VTI1A: variants seen among roughly 807,000 people sequenced by gnomAD.
VTI1A encodes the protein vesicle transport through interaction with t-SNAREs 1A, also known as vesicle transport through interaction with t-SNAREs homolog 1A.
A neutral mutation model predicts 34.9 loss-of-function variants in VTI1A; 22 were observed. That is an observed-to-expected ratio of 0.63 (90% confidence interval 0.45 to 0.90). The LOEUF is 0.90. Ranked by LOEUF, VTI1A falls within the 40% of genes least tolerant of loss-of-function variation. The probability of loss-of-function intolerance (pLI) is 0.00; values close to 1 mark genes in which losing one functional copy is unlikely to be tolerated. For synonymous variants in VTI1A, 87 were observed against 97.3 expected (o/e 0.89, Z 0.62); for missense variants, 268 against 275.6 (o/e 0.97, Z 0.20).
chr10:112,798,208 GGTCGA>G (rs1023419697), intron 7 of VTI1A, among the ~76,000 whole-genome samples: 2 of 152,102 alleles, frequency 1.3e-5, no homozygotes, highest in African/African-American at 4.8e-5. Flanking sequence ...GCTGCTCCAG[GGTCGA>G]CTTCAGAGCC....
intron 5 of VTI1A, among the ~76,000 whole-genome samples, chr10:112,660,389 T>C (rs1258684746): frequency 6.6e-6 from 1 of 152,162 alleles, no homozygotes; most frequent in East Asian, 1.9e-4. Flanking sequence ...TGAGCCACCA[T>C]GCCCGGCCCA....
intron 1 of VTI1A, among the ~76,000 whole-genome samples, chr10:112,458,052 CAG>C (rs755040117): frequency 2.6e-5 from 4 of 152,096 alleles, no homozygotes; most frequent in Non-Finnish European, 4.4e-5. Context: ...GGAAGGGAAA[CAG>C]AGTCTGTACC....
At chr10:112,763,272 G>C (rs1044758491) in intron 7 of VTI1A, among the ~76,000 whole-genome samples, 1 of 151,984 alleles carries the variant, frequency 6.6e-6, no homozygotes, top group East Asian at 1.9e-4. Context: ...AACCCTGTCT[G>C]TACTAAAAAT....
chr10:112,461,994 G>C (rs1226300707), intron 2 of VTI1A, among the ~76,000 whole-genome samples: 5 of 152,214 alleles, frequency 3.3e-5, no homozygotes, highest in Non-Finnish European at 4.4e-5. Flanking sequence ...GGGATTACAG[G>C]CATGCACCAC....
the VTI1A span, among the ~76,000 whole-genome samples, chr10:112,838,198 G>C: frequency 6.6e-5 from 10 of 152,162 alleles, no homozygotes; most frequent in African/African-American, 2.4e-4. Context: ...GCTCCCCACT[G>C]CTCTGTGTAT....
Position 112,716,174 on chromosome 10 carries a change from G to A in VTI1A, c.560+47176G>A, listed in dbSNP as rs145624006. 5.2e-3 allele frequency among the ~76,000 whole-genome samples: 798 copies of A among 152,310 alleles called. 6 individuals carry two copies. The highest frequency in any genetic ancestry group is 0.018 in the African/African-American group (768 of 41,570). ...GGGCCATGAAAAAATTTCTGACGAA[G>A]TGTTCTCCTGGGAGTTTCCAGCACA... On this transcript the variant is annotated intron_variant, in intron 7 of 7. Transcript: ENST00000393077.
intron 7 of VTI1A, among the ~76,000 whole-genome samples, chr10:112,706,540 G>A (rs1191909908): frequency 3.9e-5 from 6 of 152,132 alleles, no homozygotes; most frequent in Non-Finnish European, 5.9e-5. Flanking sequence ...CTAGATTAAA[G>A]GGATATAATC....
At chr10:112,781,688 A>G (rs1852131725) in intron 7 of VTI1A, among the ~76,000 whole-genome samples, 1 of 151,868 alleles carries the variant, frequency 6.6e-6, no homozygotes, top group African/African-American at 2.4e-5. Flanking sequence ...TAAAAAAACA[A>G]AAATTAGTGG....
At chr10:112,531,680 G>C (rs182505068) in intron 4 of VTI1A, among the ~76,000 whole-genome samples, 31 of 152,138 alleles carry the variant, frequency 2.0e-4, no homozygotes, top group African/African-American at 7.2e-4. Context: ...TGCCCCAAAT[G>C]GTCTCTATTG....
At chr10:112,698,076 T>A (rs1461370033) in intron 7 of VTI1A, among the ~76,000 whole-genome samples, 1 of 152,206 alleles carries the variant, frequency 6.6e-6, no homozygotes, top group African/African-American at 2.4e-5. Flanking sequence ...TAATGTAACA[T>A]AAGCTAAAAT....
intron 7 of VTI1A, among the ~76,000 whole-genome samples, chr10:112,744,085 A>G (rs1850797546): frequency 6.6e-6 from 1 of 152,176 alleles, no homozygotes; most frequent in Admixed American, 6.5e-5. Flanking sequence ...GAACCATAAG[A>G]AATTGCCAGT....
At chr10:112,851,547 G>A in the VTI1A span, among the ~76,000 whole-genome samples, 1 of 152,206 alleles carries the variant, frequency 6.6e-6, no homozygotes, top group Non-Finnish European at 1.5e-5. Context: ...GAAGTAAGGG[G>A]TGCCCCTTCC....
chr10:112,794,898 A>G (rs1379591782), intron 7 of VTI1A, among the ~76,000 whole-genome samples: 12 of 152,208 alleles, frequency 7.9e-5, no homozygotes. Context: ...GTACCCAAAG[A>G]GCATTCGTGA....
chr10:112,597,723 A>G (rs1268525564), intron 5 of VTI1A, among the ~76,000 whole-genome samples: 5 of 97,878 alleles, frequency 5.1e-5, no homozygotes, highest in South Asian at 3.5e-4. Flanking sequence ...TTTGAGACGG[A>G]GTCTCGCTCT....
intron 3 of VTI1A, among the ~76,000 whole-genome samples, chr10:112,502,792 A>G (rs571948982): frequency 6.6e-6 from 1 of 152,320 alleles, no homozygotes; most frequent in African/African-American, 2.4e-5. Context: ...CTCTAACCCT[A>G]TATAACCCTG....
rs1429126232 is a variant in VTI1A, at chr10:112,468,715, G to A, written c.264+4058G>A. On this transcript the variant is annotated intron_variant, in intron 3 of 7. Coordinates refer to ENST00000393077, the MANE Select transcript of VTI1A (RefSeq NM_145206.4). ...TCCTCTGTGTGTTATCATCTTTCCT[G>A]TTCCTTCCATGGCTGCGTCTATACT... Among the ~76,000 whole-genome samples, 3 of 152,116 alleles carry A rather than the reference G, an allele frequency of 2.0e-5. No homozygotes were observed. The East Asian group carries it at 5.8e-4, about 29-fold the overall frequency.
At chr10:112,613,018 T>C (rs1431601617) in intron 5 of VTI1A, among the ~76,000 whole-genome samples, 1 of 152,194 alleles carries the variant, frequency 6.6e-6, no homozygotes, top group East Asian at 1.9e-4. Flanking sequence ...AATGGCTGTT[T>C]TTTTAAAAAT....
At chr10:112,777,767 G>A (rs933636429) in intron 7 of VTI1A, among the ~76,000 whole-genome samples, 1 of 152,120 alleles carries the variant, frequency 6.6e-6, no homozygotes, top group Non-Finnish European at 1.5e-5. Flanking sequence ...ACTCGATTCT[G>A]CCCATTTTGT....
At chr10:112,603,403 T>C (rs908025439) in intron 5 of VTI1A, among the ~76,000 whole-genome samples, 2 of 152,228 alleles carry the variant, frequency 1.3e-5, no homozygotes, top group Non-Finnish European at 2.9e-5. Context: ...TGTTTAGTTT[T>C]TCAATAACAT....
Sources: allele counts gnomAD v4.1 joint callset (sites outside exome capture counted in the v4.1 genomes callset), GRCh38; gene constraint gnomAD v4.1.1; transcripts MANE v1.5; gene names NCBI Gene and HGNC (gene_info 2026-07-23, HGNC 2026-07-21).